The following RCBTB2 variants were observed in gnomAD, a reference collection of about 807,000 sequenced individuals.
The protein encoded by RCBTB2 is RCC1 and BTB domain-containing protein 2.
RCBTB2 carries 55 observed loss-of-function variants against 65.4 expected under a neutral mutation model. The observed-to-expected ratio is 0.84, with a 90% CI of 0.68 to 1.05. The LOEUF (loss-of-function observed/expected upper bound fraction) is 1.05. RCBTB2 is among the 50% of genes least tolerant of loss of function. RCBTB2 has a pLI of 0.00. For synonymous variants in RCBTB2, 220 were observed against 255.2 expected, an observed-to-expected ratio of 0.86 and a Z score of 1.31; for missense variants, 599 against 680.1, an observed-to-expected ratio of 0.88 and a Z score of 1.33.
intron 2 of RCBTB2, among the ~76,000 whole-genome samples, chr13:48,523,852 A>T (rs2138621354): frequency 6.6e-6 from 1 of 152,300 alleles, no homozygotes; most frequent in African/African-American, 2.4e-5. Context: ...TAAACTCTTT[A>T]AAATTAGAAT....
intron 4 of RCBTB2, 57 bp from the exon 5 acceptor site, chr13:48,515,798 C>T: frequency 6.5e-7 from 1 of 1,528,640 alleles, no homozygotes; most frequent in East Asian, 2.3e-5. Flanking sequence ...TTTTCTCTGC[C>T]CCTTCAGTTC....
At chr13:48,491,774 A>G (rs149490973) in intron 14 of RCBTB2, 51 of 152,284 alleles carry the variant, frequency 3.3e-4, no homozygotes, top group African/African-American at 1.0e-3. Context: ...CTAAAAAGTT[A>G]TCACTTGGAT....
chr13:48,527,098 T>C (rs1185636966), intron 1 of RCBTB2, among the ~76,000 whole-genome samples: 3 of 151,516 alleles, frequency 2.0e-5, no homozygotes, highest in Non-Finnish European at 4.4e-5. Context: ...TGCTTACAAA[T>C]GTCCCCCCTT....
At chr13:48,525,598 T>C (rs914986624) in intron 1 of RCBTB2, among the ~76,000 whole-genome samples, 2 of 151,690 alleles carry the variant, frequency 1.3e-5, no homozygotes, top group Non-Finnish European at 1.5e-5. Context: ...GCCCACTAAT[T>C]TCCAGATCAC....
chr13:48,535,085 G>T (rs1952345397), upstream of RCBTB2, among the ~76,000 whole-genome samples: 1 of 152,014 alleles, frequency 6.6e-6, no homozygotes, highest in Admixed American at 6.5e-5. Context: ...TTAATTTTTG[G>T]ATCATTCCCA....
intron 10 of RCBTB2, among the ~76,000 whole-genome samples, chr13:48,508,375 G>T (rs1950607702): frequency 6.6e-6 from 1 of 151,858 alleles, no homozygotes; most frequent in African/African-American, 2.4e-5. Context: ...ACGGAAAACA[G>T]AAAATCAGGA....
intron 1 of RCBTB2, among the ~76,000 whole-genome samples, chr13:48,531,709 T>C (rs566526439): frequency 6.6e-6 from 1 of 152,348 alleles, no homozygotes; most frequent in African/African-American, 2.4e-5. Context: ...ATGTACTGTC[T>C]AGCAGGAAAT....
At chr13:48,525,861 G>T (rs1438751156) in intron 1 of RCBTB2, among the ~76,000 whole-genome samples, 1 of 152,080 alleles carries the variant, frequency 6.6e-6, no homozygotes, top group Admixed American at 6.5e-5. Flanking sequence ...TTTGATATTT[G>T]ATAACATTTT....
chr13:48,506,264 G>T (rs1402931119), intron 10 of RCBTB2, among the ~76,000 whole-genome samples: 1 of 152,222 alleles, frequency 6.6e-6, no homozygotes, highest in African/African-American at 2.4e-5. Flanking sequence ...AATGAGGCTT[G>T]CCAGGAACAG....
intron 10 of RCBTB2, among the ~76,000 whole-genome samples, chr13:48,503,607 T>C (rs1434851779): frequency 6.6e-6 from 1 of 151,980 alleles, no homozygotes; most frequent in Non-Finnish European, 1.5e-5. Flanking sequence ...AGTGGCACAA[T>C]CTTGGATCTT....
At chr13:48,504,220 A>G (rs927183808) in intron 10 of RCBTB2, 12 of 985,132 alleles carry the variant, frequency 1.2e-5, no homozygotes, top group Non-Finnish European at 1.3e-5. Flanking sequence ...TTCTGCCCCA[A>G]CTCACACAGT....
In RCBTB2 at chr13:48,529,252, CA is replaced by C. The variant is rs534958565; in HGVS notation, c.-219+3775del. Among the ~76,000 whole-genome samples, 660 of 151,026 alleles carry C rather than the reference CA, an allele frequency of 4.4e-3. 3 individuals are homozygous for C. The highest frequency in any genetic ancestry group is 0.015 in the African/African-American group (625 of 41,190). On this transcript the variant is annotated intron_variant, in intron 1 of 14. Coordinates refer to ENST00000344532, the MANE Select transcript of RCBTB2 (RefSeq NM_001268.4). ...TCCTTATAGATTTAATCCAATTTTTCAAAAAAAAATCTTAACACGCCTGCTA... is the reference window on the plus strand; with the variant it reads ...TCCTTATAGATTTAATCCAATTTTTCAAAAAAAATCTTAACACGCCTGCTA...
rs190524242 is a variant in RCBTB2 at position 48,529,100 on chromosome 13, G to A, written c.-219+3928C>T. Among the ~76,000 whole-genome samples the A allele has an allele frequency of 1.4e-4, 22 of 152,046 alleles. No individual in the cohort carries two copies. In the East Asian group the frequency reaches 3.5e-3, roughly 24 times the overall value. ...AACTTCAGTCTTTTCAGCCACACAC[G>A]GCAAAAGTGTCATTTTCAAATATGA... On this transcript the variant is annotated intron_variant, in intron 1 of 14. Coordinates refer to ENST00000344532, the MANE Select transcript of RCBTB2 (RefSeq NM_001268.4).
chr13:48,529,520 G>C (rs905271420), intron 1 of RCBTB2, among the ~76,000 whole-genome samples: 2 of 152,196 alleles, frequency 1.3e-5, no homozygotes, highest in Non-Finnish European at 2.9e-5. Context: ...ATATACATAA[G>C]AGATATTAGC....
chr13:48,512,199 T>C, intron 7 of RCBTB2, 25 bp from the exon 8 acceptor site: 1 of 1,596,284 alleles, frequency 6.3e-7, no homozygotes, highest in Non-Finnish European at 8.6e-7. Flanking sequence ...GATCAGTAAA[T>C]GAAACAGATT....
chr13:48,515,816 G>T, intron 4 of RCBTB2, 75 bp from the exon 5 acceptor site: 2 of 1,427,350 alleles, frequency 1.4e-6, no homozygotes, highest in Non-Finnish European at 1.9e-6. Flanking sequence ...TTCTGTAGAA[G>T]AGGGCGAACA....
chr13:48,495,491 CTT>C (rs1555298541), intron 14 of RCBTB2, among the ~76,000 whole-genome samples: 1 of 152,120 alleles, frequency 6.6e-6, no homozygotes, highest in Non-Finnish European at 1.5e-5. Context: ...TCACACTAAC[CTT>C]TTTCTGATTT....
In RCBTB2 at chr13:48,515,349, C is replaced by T; in HGVS notation, c.205G>A (p.Val69Met). 2 of 1,611,834 alleles carry T rather than the reference C, an allele frequency of 1.2e-6. No homozygotes were observed. Among genetic ancestry groups the T allele is most frequent in the Non-Finnish European group, 1.7e-6 (2 of 1,179,356 alleles). Residue 69 changes from valine to methionine, a missense_variant, in exon 6 of 15, where the codon GTG (valine) becomes ATG (methionine). Transcript: ENST00000344532. Reference sequence around the variant, plus strand: ...CAGCCACAGCAGTTTGTGCCAAGCACAAAAATCTATGGGAAAAACCACTGT... The same window carrying T: ...CAGCCACAGCAGTTTGTGCCAAGCATAAAAATCTATGGGAAAAACCACTGT... ...LYTTVNDEIF[V>M]LGTNCCGCLG... is the part of the protein sequence containing the mutation.
At chr13:48,506,113 C>G (rs1950490927) in intron 10 of RCBTB2, among the ~76,000 whole-genome samples, 1 of 152,180 alleles carries the variant, frequency 6.6e-6, no homozygotes, top group African/African-American at 2.4e-5. Context: ...TTTGGACTGG[C>G]CAGAGCCGTG....
Sources: gnomAD v4.1 joint callset for allele counts (sites outside exome capture counted in the v4.1 genomes callset) on GRCh38, gnomAD v4.1.1 for gene constraint, MANE v1.5 for transcripts, NCBI Gene and HGNC (gene_info 2026-07-23, HGNC 2026-07-21) for gene names.